Variants in NCOR2 observed in about 807,000 individuals in gnomAD.
NCOR2 encodes the protein nuclear receptor corepressor 2, also known as CTG repeat protein 26.
In NCOR2, 81 loss-of-function variants were observed where a neutral mutation model predicts 262.9. That is an observed-to-expected ratio of 0.31 (90% CI 0.26 to 0.37). The LOEUF (loss-of-function observed/expected upper bound fraction) is 0.37. Ranked by LOEUF, NCOR2 falls within the 10% of genes least tolerant of loss-of-function variation. The pLI is 1.00. For missense variants in NCOR2, 3,385 were observed against 3,621.4 expected, an observed-to-expected ratio of 0.93 and a Z score of 1.68; for synonymous variants, 1,659 against 1,559.3, an observed-to-expected ratio of 1.06 and a Z score of -1.51.
chr12:124,428,044 A>AGTGTGTGTGTGTGT (rs55965573), intron 10 of NCOR2, among the ~76,000 whole-genome samples: 7,178 of 112,320 alleles, frequency 0.064, 597 homozygotes, highest in Non-Finnish European at 0.091. Flanking sequence ...CCATGTGGCC[A>AGTGTGTGTGTGTGT]GTGTGTGTGT....
chr12:124,333,468 A>G (rs1479866566), intron 41 of NCOR2, among the ~76,000 whole-genome samples, 189 bp from the exon 44 acceptor site: 15 of 152,014 alleles, frequency 9.9e-5, no homozygotes, highest in Admixed American at 9.8e-4. Context: ...TTTTTAAACA[A>G]CCCTTTAAAA....
chr12:124,494,627 T>C (rs1272900639), intron 1 of NCOR2, among the ~76,000 whole-genome samples: 1 of 152,188 alleles, frequency 6.6e-6, no homozygotes, highest in Non-Finnish European at 1.5e-5. Context: ...GCCAGCACCC[T>C]GGACCCTCAT....
exon 22 of NCOR2, chr12:124,362,263 T>C: frequency 7.6e-7 from 1 of 1,313,484 alleles, no homozygotes; most frequent in Non-Finnish European, 9.7e-7. Context: ...GGGAGCTGCG[T>C]CCTCCCGGGG....
At chr12:124,391,555 C>T (rs867795062) in intron 16 of NCOR2, among the ~76,000 whole-genome samples, 40 of 152,152 alleles carry the variant, frequency 2.6e-4, no homozygotes, top group African/African-American at 8.9e-4. Flanking sequence ...CTTGACAGGC[C>T]GGGCACTCCT....
chr12:124,477,722 G>A (rs546388027), intron 3 of NCOR2, among the ~76,000 whole-genome samples: 21 of 152,212 alleles, frequency 1.4e-4, no homozygotes, highest in Non-Finnish European at 2.6e-4. Context: ...GGAGCCTGGC[G>A]GTCAGGCCTG....
At position 124,370,990 on chromosome 12, in the gene NCOR2, C is replaced by A. The variant is rs1624412; in HGVS notation, c.2807+1032G>T. 4.3e-3 allele frequency among the ~76,000 whole-genome samples: 649 copies of A among 152,250 alleles called. 2 individuals are homozygous for A. The highest frequency in any genetic ancestry group is 0.012 in the South Asian group (57 of 4,830). Reference sequence around the variant, plus strand: ...TTGAACCTGTGGCTTTTCCCCAACCCCACGGCCACCACGCTCGCATCTCCA... The same window carrying A: ...TTGAACCTGTGGCTTTTCCCCAACCACACGGCCACCACGCTCGCATCTCCA... On this transcript the variant is annotated intron_variant, in intron 20 of 46. Transcript: ENST00000405201.
At chr12:124,465,014 T>G (rs896856154) in intron 5 of NCOR2, among the ~76,000 whole-genome samples, 1 of 152,142 alleles carries the variant, frequency 6.6e-6, no homozygotes, top group Non-Finnish European at 1.5e-5. Context: ...GGTGGAGGCA[T>G]AGCCAAACAG....
At chr12:124,333,620 G>A (rs1275740650) in intron 41 of NCOR2, among the ~76,000 whole-genome samples, 2 of 151,196 alleles carry the variant, frequency 1.3e-5, no homozygotes, top group East Asian at 1.9e-4. Flanking sequence ...CCCCAAAGAT[G>A]TCCTGCTGTC....
chr12:124,385,852 C>T (rs1433879346), exon 17 of NCOR2: 3 of 1,613,724 alleles, frequency 1.9e-6, no homozygotes, highest in South Asian at 1.1e-5. Context: ...ACCATCCGGG[C>T]GATGGCCGAC....
intron 1 of NCOR2, among the ~76,000 whole-genome samples, chr12:124,552,609 T>C (rs1566053825): frequency 2.0e-5 from 3 of 152,164 alleles, no homozygotes; most frequent in Admixed American, 2.0e-4. Flanking sequence ...ACAGGCTCTG[T>C]GGGGGCAGCA....
At chr12:124,556,072 A>G (rs1205254894) in intron 1 of NCOR2, 1 of 152,216 alleles carries the variant, frequency 6.6e-6, no homozygotes, top group Non-Finnish European at 1.5e-5. Context: ...ATTAGGCAAA[A>G]CGTGGTTCTC....
At chr12:124,332,333 T>G (rs1298768569) in exon 43 of NCOR2, 1 of 1,614,032 alleles carries the variant, frequency 6.2e-7, no homozygotes, top group African/African-American at 1.3e-5. Context: ...TTCAGGCTCA[T>G]TCCGGTTGTG....
rs529990814 is a variant in NCOR2, at chr12:124,372,237, G to A, written c.2592C>T (p.Ser864=). 8.8e-6 allele frequency: 14 copies of A among 1,595,546 alleles called. No individual in the cohort carries two copies. The Middle Eastern group carries it at 5.0e-4, about 57-fold the overall frequency. Residue 864 remains serine (S), a synonymous_variant, in exon 20 of 47, where the codon AGC becomes AGT. Coordinates refer to ENST00000405201, the Ensembl canonical transcript of NCOR2. ...CCTCCTCGGCTTCCTCCGTGCACTC[G>A]CTCTTGACGGGCTCCTCGGCCTTCC...
chr12:124,498,793 T>C (rs2048517322), upstream of NCOR2, among the ~76,000 whole-genome samples: 1 of 151,756 alleles, frequency 6.6e-6, no homozygotes, highest in Non-Finnish European at 1.5e-5. Flanking sequence ...TACGATGGAG[T>C]ATTACTCAGC....
intron 3 of NCOR2, among the ~76,000 whole-genome samples, chr12:124,480,736 C>G (rs1033124125): frequency 1.3e-5 from 2 of 151,510 alleles, no homozygotes; most frequent in East Asian, 1.9e-4. Flanking sequence ...CACCCCCAGG[C>G]GCCCTTGTCC....
At position 124,473,598 on chromosome 12, in the gene NCOR2, T is replaced by A. The variant is rs148384603; in HGVS notation, c.412-467A>T. ...CCCTTTATGTAATATATATATATAT[T>A]TTTTCTATTAGTTCTGTCCCTCTAG... is the stretch of plus-strand genomic sequence containing the variant. On this transcript the variant is annotated intron_variant, in intron 3 of 46. Transcript: ENST00000405201. 2.1e-3 allele frequency among the ~76,000 whole-genome samples: 314 copies of A among 152,136 alleles called. 2 individuals carry two copies. The highest frequency in any genetic ancestry group is 7.1e-3 in the African/African-American group (293 of 41,462).
In NCOR2 at chr12:124,423,489, T is replaced by C. The variant is rs182711467; in HGVS notation, c.1329-934A>G. Among the ~76,000 whole-genome samples, 374 of 152,288 alleles carry C rather than the reference T, an allele frequency of 2.5e-3. 1 individual carries two copies. Among genetic ancestry groups the C allele is most frequent in the Non-Finnish European group, 4.2e-3 (288 of 68,014 alleles). ...TTCCCAGCCAGACATCCGAGGATCC[T>C]GAACAGTCTCTGCTCTCTTCCCGGT... On this transcript the variant is annotated intron_variant, in intron 11 of 46. Coordinates refer to ENST00000405201, the Ensembl canonical transcript of NCOR2.
At chr12:124,372,288 C>T (rs778679616) in exon 20 of NCOR2, 91 of 1,546,128 alleles carry the variant, frequency 5.9e-5, no homozygotes, top group Non-Finnish European at 7.3e-5. Flanking sequence ...GCTCCTCAGC[C>T]GCGGGGGGCT....
At chr12:124,336,722 A>C in intron 38 of NCOR2, 31 bp downstream of exon 40, 1 of 1,609,626 alleles carries the variant, frequency 6.2e-7, no homozygotes, top group South Asian at 1.1e-5. Flanking sequence ...AATCGCGTCT[A>C]TGAAGGTGGC....
Sources: gnomAD v4.1 joint callset for allele counts (sites outside exome capture counted in the v4.1 genomes callset) on GRCh38, gnomAD v4.1.1 for gene constraint, MANE v1.5 for transcripts, NCBI Gene and HGNC (gene_info 2026-07-23, HGNC 2026-07-21) for gene names.